SUFU: variants seen among roughly 807,000 people sequenced by gnomAD.
The protein encoded by SUFU is suppressor of fused homolog.
Under a neutral mutation model 58.9 loss-of-function variants are expected in SUFU, and 7 were observed. The observed-to-expected ratio is 0.12, with a 90% confidence interval of 0.07 to 0.22. The LOEUF (loss-of-function observed/expected upper bound fraction) is 0.22, where lower values mean the gene tolerates loss of function less well. Ranked by LOEUF, SUFU falls within the 10% of genes least tolerant of loss-of-function variation. The pLI is 1.00. For missense variants in SUFU, 451 were observed against 641.3 expected (o/e 0.70, Z 3.20); for synonymous variants, 232 against 254.8 (o/e 0.91, Z 0.85).
upstream of SUFU, among the ~76,000 whole-genome samples, chr10:102,503,082 C>A (rs919822954): frequency 1.3e-5 from 2 of 152,190 alleles, no homozygotes; most frequent in Non-Finnish European, 2.9e-5. Flanking sequence ...GCCACTCCCC[C>A]CGACGTTCCC....
intron 11 of SUFU, 21 bp from the exon 12 acceptor site, chr10:102,630,045 C>G: frequency 1.2e-6 from 2 of 1,609,998 alleles, no homozygotes; most frequent in Non-Finnish European, 1.7e-6. Context: ...CACTCCTGGT[C>G]TGTGCTTGCT....
intron 3 of SUFU, among the ~76,000 whole-genome samples, chr10:102,578,623 G>C (rs2063239962): frequency 6.6e-6 from 1 of 151,620 alleles, no homozygotes; most frequent in African/African-American, 2.4e-5. Flanking sequence ...CAGGAGAACT[G>C]CTTGGACCTG....
chr10:102,509,004 GTC>G (rs1482428235), intron 1 of SUFU, among the ~76,000 whole-genome samples, 163 bp from the exon 2 acceptor site: 1 of 152,238 alleles, frequency 6.6e-6, no homozygotes, highest in Non-Finnish European at 1.5e-5. Flanking sequence ...AGCCTTAGCT[GTC>G]CATCCCTTAG....
intron 2 of SUFU, among the ~76,000 whole-genome samples, chr10:102,546,927 G>A (rs771623920): frequency 3.9e-5 from 6 of 152,258 alleles, no homozygotes; most frequent in African/African-American, 9.6e-5. Flanking sequence ...GGACACATGC[G>A]TGTGCACGCA....
chr10:102,532,906 C>T (rs983428170), intron 2 of SUFU, among the ~76,000 whole-genome samples: 2 of 152,110 alleles, frequency 1.3e-5, no homozygotes, highest in African/African-American at 4.8e-5. Context: ...AAAGGTGTAT[C>T]GTTTCCATTT....
intron 2 of SUFU, among the ~76,000 whole-genome samples, chr10:102,534,586 C>T (rs1194006803): frequency 2.0e-5 from 3 of 152,238 alleles, no homozygotes; most frequent in Non-Finnish European, 2.9e-5. Context: ...TGTCGTTCAT[C>T]CTCTGCGTAG....
At chr10:102,548,140 C>T (rs975044113) in intron 2 of SUFU, among the ~76,000 whole-genome samples, 6 of 151,984 alleles carry the variant, frequency 3.9e-5, no homozygotes, top group African/African-American at 7.3e-5. Context: ...AGTAACAGAG[C>T]GAGACCCTGT....
chr10:102,520,258 C>T (rs1441342894), intron 2 of SUFU, among the ~76,000 whole-genome samples: 1 of 139,566 alleles, frequency 7.2e-6, no homozygotes, highest in African/African-American at 2.8e-5. Flanking sequence ...ACTCTTGTTG[C>T]CCAGGCTGGA....
intron 10 of SUFU, chr10:102,618,715 AG>A (rs1564708026): frequency 2.7e-6 from 1 of 364,612 alleles, no homozygotes; most frequent in Non-Finnish European, 4.9e-6. Context: ...CTGTAACAAA[AG>A]CTCTGAAGTG....
At chr10:102,506,039 GAAA>G (rs1170831161) in intron 1 of SUFU, among the ~76,000 whole-genome samples, 16 of 84,214 alleles carry the variant, frequency 1.9e-4, no homozygotes, top group South Asian at 4.3e-4. Context: ...TCTGTTATTT[GAAA>G]AAAAAAAAAA....
At chr10:102,548,163 C>T (rs1479514492) in intron 2 of SUFU, among the ~76,000 whole-genome samples, 1 of 151,990 alleles carries the variant, frequency 6.6e-6, no homozygotes, top group Non-Finnish European at 1.5e-5. Context: ...CAAAAAAATA[C>T]ATAGATGATA....
intron 10 of SUFU, chr10:102,618,931 CGTGTGTGT>C (rs59259635): frequency 0.034 from 19,600 of 573,516 alleles, 92 homozygotes; most frequent in African/African-American, 0.046. Context: ...CCTCAGGTAG[CGTGTGTGT>C]GTGTGTGTGT....
At chr10:102,615,194 G>C in intron 8 of SUFU, 74 bp from the exon 9 acceptor site, 1 of 1,601,144 alleles carries the variant, frequency 6.2e-7, no homozygotes, top group Non-Finnish European at 8.5e-7. Flanking sequence ...CAGGAGCCCA[G>C]CTGGAGACTC....
chr10:102,586,150 G>A (rs929749732), intron 3 of SUFU, among the ~76,000 whole-genome samples: 3 of 151,886 alleles, frequency 2.0e-5, no homozygotes, highest in African/African-American at 7.2e-5. Flanking sequence ...CTCCCAAAGT[G>A]CTGGGATTAC....
At chr10:102,504,482 T>G (rs2062297249) in intron 1 of SUFU, 148 bp downstream of exon 1, 1 of 1,483,904 alleles carries the variant, frequency 6.7e-7, no homozygotes, top group East Asian at 2.5e-5. Context: ...GGGAAGGAGT[T>G]AAGGCTCAAG....
chr10:102,508,360 C>T (rs920060127), intron 1 of SUFU, among the ~76,000 whole-genome samples: 2 of 152,184 alleles, frequency 1.3e-5, no homozygotes, highest in Non-Finnish European at 2.9e-5. Flanking sequence ...AACTGAATCT[C>T]TTCCGCAACT....
At chr10:102,560,259 G>A (rs767326383) in intron 3 of SUFU, among the ~76,000 whole-genome samples, 36 of 152,270 alleles carry the variant, frequency 2.4e-4, no homozygotes, top group Middle Eastern at 3.4e-3. Context: ...TTTGCCATGC[G>A]TATGTCTGGA....
In SUFU at chr10:102,593,859, A is replaced by C. The variant is rs1270991261; in HGVS notation, c.684-134A>C. 1.0e-5 allele frequency: 14 copies of C among 1,371,768 alleles called. No individual in the cohort carries two copies. The East Asian group carries it at 3.2e-4, about 32-fold the overall frequency. 85.0% of individuals were successfully genotyped at this position (1,371,768 alleles called of 1,614,324 possible). A position where few individuals can be genotyped will look rare whatever the true frequency, so the allele number is the denominator to read the frequency against. Reference sequence around the variant, plus strand: ...TCACATCAGGGCTTCCTGACGACTCACTCCCTGACAGTCCCTGACCACGAA... The same window carrying C: ...TCACATCAGGGCTTCCTGACGACTCCCTCCCTGACAGTCCCTGACCACGAA... On this transcript the variant is annotated intron_variant, in intron 5 of 11. Transcript: ENST00000369902.
chr10:102,584,346 CTT>C (rs1000859698), intron 3 of SUFU, among the ~76,000 whole-genome samples: 4 of 152,098 alleles, frequency 2.6e-5, no homozygotes, highest in African/African-American at 7.2e-5. Flanking sequence ...CTTTGGTTCT[CTT>C]TGTCTTTTTT....
Sources: gnomAD v4.1 joint callset for allele counts (sites outside exome capture counted in the v4.1 genomes callset) on GRCh38, gnomAD v4.1.1 for gene constraint, MANE v1.5 for transcripts, NCBI Gene and HGNC (gene_info 2026-07-23, HGNC 2026-07-21) for gene names.